SCML2: variants seen among roughly 807,000 people sequenced by gnomAD.
SCML2 encodes Scm polycomb group protein like 2.
A neutral mutation model predicts 48.4 loss-of-function variants in SCML2; 6 were observed. That is an observed-to-expected ratio of 0.12 (90% CI 0.07 to 0.24). The LOEUF (loss-of-function observed/expected upper bound fraction) is 0.24. Among genes scored for constraint, SCML2 ranks in the 10% least tolerant of loss-of-function variants. SCML2 has a pLI of 1.00. For missense variants in SCML2, 377 were observed against 528.2 expected, an observed-to-expected ratio of 0.71 and a Z score of 2.81; for synonymous variants, 181 against 189.5, an observed-to-expected ratio of 0.95 and a Z score of 0.37.
At chrX:18,295,883 G>C (rs769685716) in intron 7 of SCML2, among the ~76,000 whole-genome samples, 1 of 111,983 alleles carries the variant, frequency 8.9e-6, no homozygotes, top group Admixed American at 9.5e-5. Context: ...ATAACTCATA[G>C]AGAAACTTCA....
intron 6 of SCML2, among the ~76,000 whole-genome samples, chrX:18,319,594 T>TTA (rs1929244199): frequency 1.6e-5 from 1 of 63,852 alleles, no homozygotes; most frequent in African/African-American, 9.3e-5. Context: ...AGACTCTGTC[T>TTA]CAAAAAAAAA....
chrX:18,346,214 C>G (rs1291052401), intron 1 of SCML2, among the ~76,000 whole-genome samples: 1 of 111,156 alleles, frequency 9.0e-6, no homozygotes, highest in African/African-American at 3.3e-5. Flanking sequence ...TCCAATATCT[C>G]TCTCTTTCCC....
chrX:18,297,484 C>T (rs779426114), intron 7 of SCML2, among the ~76,000 whole-genome samples: 9 of 111,914 alleles, frequency 8.0e-5, no homozygotes, highest in African/African-American at 2.9e-4. Context: ...ACACGACTTT[C>T]TAACCACTAA....
chrX:18,311,725 C>A (rs912163174), intron 6 of SCML2, among the ~76,000 whole-genome samples: 2 of 112,152 alleles, frequency 1.8e-5, no homozygotes, highest in African/African-American at 6.5e-5. Context: ...CTGAGTAAAA[C>A]AGGAAGCCCC....
intron 7 of SCML2, among the ~76,000 whole-genome samples, chrX:18,283,234 G>A (rs1020623002): frequency 5.4e-5 from 6 of 111,756 alleles, no homozygotes; most frequent in African/African-American, 2.0e-4. Context: ...AAAAGCTTTC[G>A]ATAAAACCCA....
chrX:18,246,591 T>C lies in SCML2; in HGVS notation c.1808A>G (p.Gln603Arg). 1 of 1,197,572 alleles carries C rather than the reference T, an allele frequency of 8.4e-7. No homozygotes were observed. Among genetic ancestry groups the C allele is most frequent in the South Asian group, 1.8e-5 (1 of 54,336 alleles). Residue 603 changes from glutamine to arginine, a missense_variant, in exon 13 of 15, where the codon CAG (glutamine) becomes CGG (arginine). By Grantham distance (43) the Gln-to-Arg change is conservative. Transcript: ENST00000251900. ...TTTGAACATACCTTCACTTTTCCTC[T>C]GCATTTGGAATTTAACTTCATGGGG... ...SSPHEVKFQM[Q>R]RKSEAPSYIA...
intron 6 of SCML2, among the ~76,000 whole-genome samples, chrX:18,316,942 C>T (rs1233447334): frequency 1.8e-5 from 2 of 112,463 alleles, no homozygotes; most frequent in African/African-American, 6.5e-5. Context: ...CCCACCCCTC[C>T]ATCCATGGGA....
chrX:18,311,954 G>T (rs1478405594), intron 6 of SCML2, among the ~76,000 whole-genome samples: 1 of 111,318 alleles, frequency 9.0e-6, no homozygotes, highest in African/African-American at 3.3e-5. Context: ...ACAATGCCCA[G>T]CTAATTTTTC....
intron 7 of SCML2, among the ~76,000 whole-genome samples, chrX:18,304,257 C>A (rs1928687582): frequency 9.0e-6 from 1 of 111,555 alleles, no homozygotes; most frequent in Admixed American, 9.6e-5. Flanking sequence ...GGGTTCTATG[C>A]TTAGACCCCA....
intron 1 of SCML2, among the ~76,000 whole-genome samples, chrX:18,347,445 C>CA (rs374198442): frequency 1.0e-3 from 90 of 89,979 alleles, no homozygotes; most frequent in Non-Finnish European, 1.2e-3. Context: ...AATTCCATTT[C>CA]AAAAAAAAAA....
At chrX:18,265,874 TA>T (rs1240486243) in intron 7 of SCML2, 72 bp from the exon 8 acceptor site, 8 of 760,250 alleles carry the variant, frequency 1.1e-5, no homozygotes, top group Non-Finnish European at 1.1e-5. Flanking sequence ...TGACTCAAAA[TA>T]AGTTTTACTC....
intron 6 of SCML2, among the ~76,000 whole-genome samples, chrX:18,317,560 C>T (rs909124965): frequency 3.6e-5 from 4 of 111,696 alleles, no homozygotes; most frequent in African/African-American, 1.3e-4. Context: ...AGGCCGGGCG[C>T]GGTGGCTCAC....
At chrX:18,309,253 T>G (rs1266771796) in intron 6 of SCML2, among the ~76,000 whole-genome samples, 2 of 106,322 alleles carry the variant, frequency 1.9e-5, no homozygotes, top group African/African-American at 3.4e-5. Flanking sequence ...CCAGTCAGAA[T>G]GGCCATTATT....
rs759951731 is a variant in SCML2, at chrX:18,265,730, G to A, written c.803C>T (p.Pro268Leu). Residue 268 changes from proline (P) to leucine (L), a missense_variant, in exon 8 of 15, where the codon CCA (proline) becomes CTA (leucine). Pro to Leu is a moderately conservative substitution (Grantham distance 98). Around this residue, in one of 3 missense-constraint regions of SCML2, gnomAD observed 299 missense variants for 425.5 expected, o/e 0.70. Transcript: ENST00000251900. ...SEASQHSMQS[P>L]QKTTLILPTQ... ...TGGTAATATTAGAGTAGTTTTCTGT[G>A]GAGACTGCATTGAATGCTGGCTTGC... The A allele has an allele frequency of 1.8e-4, 214 of 1,208,454 alleles. No individual in the cohort carries two copies. The highest frequency in any genetic ancestry group is 2.2e-4 in the Non-Finnish European group (199 of 894,366).
At chrX:18,287,306 G>C (rs959574755) in intron 7 of SCML2, among the ~76,000 whole-genome samples, 3 of 111,386 alleles carry the variant, frequency 2.7e-5, no homozygotes, top group African/African-American at 6.5e-5. Flanking sequence ...TTAAAAATTA[G>C]GTCTGGGTAA....
intron 11 of SCML2, among the ~76,000 whole-genome samples, chrX:18,255,353 T>G (rs937670404): frequency 1.8e-5 from 2 of 112,196 alleles, no homozygotes; most frequent in African/African-American, 3.2e-5. Context: ...CAGCAGGAAC[T>G]GAATTAAAAT....
In SCML2 at chrX:18,264,171, T is replaced by C. The variant is rs143631796; in HGVS notation, c.948+1414A>G. 3.3e-3 allele frequency among the ~76,000 whole-genome samples: 367 copies of C among 111,701 alleles called. 2 individuals are homozygous for C. Among genetic ancestry groups the C allele is most frequent in the Admixed American group, 0.032 (336 of 10,459 alleles). The stretch of plus-strand genomic sequence containing the variant: ...CTTTTGGGACTCCAATTACATTGTA[T>C]TGGACCTTTGATATTATCTAAAAGG... On this transcript the variant is annotated intron_variant, in intron 8 of 14. Coordinates refer to ENST00000251900, the MANE Select transcript of SCML2 (RefSeq NM_006089.3).
chrX:18,249,307 A>G (rs1174517652), intron 11 of SCML2, among the ~76,000 whole-genome samples: 13 of 111,668 alleles, frequency 1.2e-4, no homozygotes, highest in Non-Finnish European at 2.1e-4. Context: ...TTTTCACAGT[A>G]GCCTTGAAAA....
At chrX:18,333,270 C>G (rs888111099) in intron 2 of SCML2, among the ~76,000 whole-genome samples, 1 of 109,730 alleles carries the variant, frequency 9.1e-6, no homozygotes, top group Admixed American at 9.8e-5. Context: ...GAGCAAAACC[C>G]TGTCTCAAAA....
Sources: gnomAD v4.1 joint callset for allele counts (sites outside exome capture counted in the v4.1 genomes callset) on GRCh38, gnomAD v4.1.1 for gene constraint, gnomAD v4.1.1 regional missense constraint, MANE v1.5 for transcripts, NCBI Gene and HGNC (gene_info 2026-07-23, HGNC 2026-07-21) for gene names.